Variants in MAPK10 observed in about 807,000 individuals in gnomAD.
MAPK10 encodes mitogen-activated protein kinase 10.
A neutral mutation model predicts 59.3 loss-of-function variants in MAPK10; 25 were observed. That is an observed-to-expected ratio of 0.42 (90% CI 0.31 to 0.59). The LOEUF is 0.59. Among genes scored for constraint, MAPK10 ranks in the 20% least tolerant of loss-of-function variants. The pLI is 0.15. For missense variants in MAPK10, 351 were observed against 568.9 expected (o/e 0.62, Z 3.90); for synonymous variants, 190 against 200.5 (o/e 0.95, Z 0.44).
intron 12 of MAPK10, 121 bp from the exon 13 acceptor site, chr4:86,029,395 G>A: frequency 1.6e-6 from 1 of 645,038 alleles, no homozygotes; most frequent in African/African-American, 1.8e-5. Flanking sequence ...AATCAATTGA[G>A]ATTCCTTTAC....
chr4:86,290,287 G>A (rs574311088), intron 2 of MAPK10, among the ~76,000 whole-genome samples: 2 of 152,330 alleles, frequency 1.3e-5, no homozygotes, highest in Admixed American at 6.5e-5. Flanking sequence ...ACTGTGACAA[G>A]AGCTGCTAAG....
chr4:86,328,198 A>T (rs752229861), intron 2 of MAPK10, among the ~76,000 whole-genome samples: 52 of 152,310 alleles, frequency 3.4e-4, no homozygotes, highest in East Asian at 2.9e-3. Context: ...AAAGGATATG[A>T]ACAGACACTT....
At chr4:86,020,131 C>A (rs1258573555) in intron 13 of MAPK10, 1 of 152,196 alleles carries the variant, frequency 6.6e-6, no homozygotes, top group African/African-American at 2.4e-5. Flanking sequence ...CTTTTTGCCT[C>A]TATAAAATTG....
At chr4:86,307,339 G>A (rs2095587156) in intron 2 of MAPK10, among the ~76,000 whole-genome samples, 1 of 152,132 alleles carries the variant, frequency 6.6e-6, no homozygotes, top group South Asian at 2.1e-4. Flanking sequence ...AGTGATGAAA[G>A]CTCAATTCCA....
At chr4:86,562,354 T>C (rs1760742392) in intron 1 of MAPK10, among the ~76,000 whole-genome samples, 1 of 152,154 alleles carries the variant, frequency 6.6e-6, no homozygotes. Context: ...AGCCTCAGCA[T>C]CAATGCTCCT....
intron 1 of MAPK10, among the ~76,000 whole-genome samples, chr4:86,525,389 T>A (rs1435935188): frequency 2.6e-5 from 4 of 151,962 alleles, no homozygotes; most frequent in Non-Finnish European, 1.5e-5. Flanking sequence ...AGTGAGGAGG[T>A]TCCCAGGTTT....
intron 4 of MAPK10, among the ~76,000 whole-genome samples, chr4:86,148,026 C>A (rs1479405252): frequency 1.3e-5 from 2 of 152,126 alleles, no homozygotes; most frequent in African/African-American, 4.8e-5. Context: ...TAATAGTTAA[C>A]ATTATGCAAC....
intron 2 of MAPK10, among the ~76,000 whole-genome samples, chr4:86,197,699 G>C (rs969144063): frequency 6.6e-6 from 1 of 152,066 alleles, no homozygotes; most frequent in East Asian, 1.9e-4. Context: ...GGGAAGGTCT[G>C]AATTGCAAGG....
At chr4:86,271,029 A>C (rs948881914) in intron 2 of MAPK10, among the ~76,000 whole-genome samples, 19 of 152,058 alleles carry the variant, frequency 1.2e-4, no homozygotes, top group African/African-American at 4.3e-4. Context: ...CTTGGATCAT[A>C]AGTAGTTAGG....
At chr4:86,170,948 A>G (rs540615551) in intron 3 of MAPK10, 1 of 152,106 alleles carries the variant, frequency 6.6e-6, no homozygotes, top group South Asian at 2.1e-4. Flanking sequence ...CTACATGGAA[A>G]CTGAACAACC....
At chr4:86,030,963 A>AT (rs1354301080) in intron 12 of MAPK10, among the ~76,000 whole-genome samples, 4 of 152,176 alleles carry the variant, frequency 2.6e-5, no homozygotes, top group African/African-American at 9.7e-5. Flanking sequence ...ACTATCTTTT[A>AT]TTTTCTAAAG....
chr4:86,159,094 C>A, intron 4 of MAPK10: 1 of 374,630 alleles, frequency 2.7e-6, no homozygotes, highest in African/African-American at 2.1e-5. Context: ...AAACATGTCA[C>A]AAGCCAAGTT....
intron 2 of MAPK10, among the ~76,000 whole-genome samples, chr4:86,301,275 T>TA (rs1025406988): frequency 1.4e-4 from 22 of 152,026 alleles, no homozygotes; most frequent in African/African-American, 5.3e-4. Flanking sequence ...AATGTTTTCC[T>TA]AAAATTACTA....
chr4:86,092,510 A>G (rs1038429916), intron 9 of MAPK10, among the ~76,000 whole-genome samples: 1 of 152,042 alleles, frequency 6.6e-6, no homozygotes, highest in Non-Finnish European at 1.5e-5. Context: ...AGAATTTGAT[A>G]CCAACTCTTA....
chr4:86,098,499 G>T, intron 9 of MAPK10, 25 bp downstream of exon 9: 1 of 1,610,476 alleles, frequency 6.2e-7, no homozygotes, highest in South Asian at 1.1e-5. Context: ...AACAGGTAAA[G>T]CTGTAGCAAA....
chr4:86,262,661 G>T (rs1429424297), intron 2 of MAPK10, among the ~76,000 whole-genome samples: 1 of 152,138 alleles, frequency 6.6e-6, no homozygotes, highest in East Asian at 1.9e-4. Context: ...ATTAATTAAT[G>T]AGTGAATGAA....
intron 1 of MAPK10, among the ~76,000 whole-genome samples, chr4:86,445,338 A>G (rs1189866949): frequency 5.9e-5 from 9 of 152,162 alleles, no homozygotes; most frequent in African/African-American, 2.2e-4. Flanking sequence ...GAAACACCAC[A>G]TGTTCTCACT....
At chr4:86,069,364 G>T (rs960333536) in intron 9 of MAPK10, among the ~76,000 whole-genome samples, 3 of 149,808 alleles carry the variant, frequency 2.0e-5, no homozygotes, top group Non-Finnish European at 4.5e-5. Context: ...TGAAATGAAG[G>T]TGGGAAAAAC....
At chr4:86,030,493 G>A (rs938207336) in intron 12 of MAPK10, among the ~76,000 whole-genome samples, 1 of 151,750 alleles carries the variant, frequency 6.6e-6, no homozygotes, top group Non-Finnish European at 1.5e-5. Context: ...ACTATGCCCG[G>A]CTAATTTTTG....
Sources: gnomAD v4.1 joint callset for allele counts (sites outside exome capture counted in the v4.1 genomes callset) on GRCh38, gnomAD v4.1.1 for gene constraint, MANE v1.5 for transcripts, NCBI Gene and HGNC (gene_info 2026-07-23, HGNC 2026-07-21) for gene names.